MFSD11: variants seen among roughly 807,000 people sequenced by gnomAD.
The protein encoded by MFSD11 is UNC93-like protein MFSD11.
A neutral mutation model predicts 53.5 loss-of-function variants in MFSD11; 36 were observed. That is an observed-to-expected ratio of 0.67 (90% confidence interval 0.52 to 0.89). The LOEUF (loss-of-function observed/expected upper bound fraction) is 0.89. MFSD11 is among the 40% of genes least tolerant of loss of function. The pLI is 0.00. For synonymous variants in MFSD11, 186 were observed against 184.9 expected, an observed-to-expected ratio of 1.01 and a Z score of -0.05; for missense variants, 530 against 543.9, an observed-to-expected ratio of 0.97 and a Z score of 0.25.
chr17:76,781,980 C>T (rs893045108), downstream of MFSD11, among the ~76,000 whole-genome samples: 58 of 146,006 alleles, frequency 4.0e-4, no homozygotes, highest in Non-Finnish European at 6.9e-4. Context: ...TACCACCATG[C>T]CTGGATAATT....
chr17:76,741,723 G>C (rs2078100589), intron 3 of MFSD11, among the ~76,000 whole-genome samples: 1 of 152,200 alleles, frequency 6.6e-6, no homozygotes, highest in African/African-American at 2.4e-5. Flanking sequence ...AGGAGGTGGA[G>C]GTTGCAGTGA....
chr17:76,793,146 A>T, the MFSD11 span, among the ~76,000 whole-genome samples: 2 of 151,394 alleles, frequency 1.3e-5, no homozygotes, highest in African/African-American at 4.9e-5. Context: ...TTATCAGGAG[A>T]CAGGGTTTGA....
At chr17:76,744,694 G>A (rs1381102877) in intron 7 of MFSD11, among the ~76,000 whole-genome samples, 1 of 152,174 alleles carries the variant, frequency 6.6e-6, no homozygotes. Context: ...GTCTGTTCCT[G>A]GCCTTGCCAC....
chr17:76,761,535 A>G (rs1249725455), intron 8 of MFSD11, among the ~76,000 whole-genome samples: 1 of 152,256 alleles, frequency 6.6e-6, no homozygotes, highest in East Asian at 1.9e-4. Flanking sequence ...AATGGAGAAT[A>G]TATAGTAGAA....
intron 8 of MFSD11, 67 bp downstream of exon 8, chr17:76,754,154 A>G: frequency 7.4e-7 from 1 of 1,349,956 alleles, no homozygotes; most frequent in Non-Finnish European, 1.1e-6. Context: ...CCTTTCCCCT[A>G]TTCCCTGGTA....
At chr17:76,786,530 C>G in the MFSD11 span, among the ~76,000 whole-genome samples, 9 of 152,310 alleles carry the variant, frequency 5.9e-5, no homozygotes, top group South Asian at 1.4e-3. Context: ...GAATGCGCAG[C>G]TGGGTCTTAA....
intron 7 of MFSD11, among the ~76,000 whole-genome samples, chr17:76,746,876 A>G (rs1166147543): frequency 6.6e-6 from 1 of 152,008 alleles, no homozygotes; most frequent in Non-Finnish European, 1.5e-5. Flanking sequence ...TTCTAACAAC[A>G]TGTGTTCTGC....
chr17:76,754,503 C>T (rs1020903435), intron 8 of MFSD11, among the ~76,000 whole-genome samples: 4 of 151,820 alleles, frequency 2.6e-5, no homozygotes, highest in Middle Eastern at 3.2e-3. Context: ...GCCAACATGG[C>T]GAAACCTCTT....
the MFSD11 span, among the ~76,000 whole-genome samples, chr17:76,788,224 T>G: frequency 1.3e-5 from 2 of 149,438 alleles, no homozygotes; most frequent in Middle Eastern, 3.4e-3. Flanking sequence ...GTATTTTTAG[T>G]AGAGACAGGG....
intron 8 of MFSD11, 158 bp from the exon 9 acceptor site, chr17:76,767,228 G>A: frequency 1.8e-6 from 1 of 549,782 alleles, no homozygotes; most frequent in Non-Finnish European, 3.2e-6. Context: ...TAGGGCAAAT[G>A]TAGTTCATGC....
At chr17:76,753,265 C>CCT (rs57637222) in intron 7 of MFSD11, among the ~76,000 whole-genome samples, 12,424 of 152,134 alleles carry the variant, frequency 0.082, 1,609 homozygotes, top group African/African-American at 0.27. Context: ...AAAGTAACCA[C>CCT]CTCAGGATGC....
chr17:76,775,298 T>A, intron 11 of MFSD11, 127 bp downstream of exon 11: 1 of 757,326 alleles, frequency 1.3e-6, no homozygotes, highest in Non-Finnish European at 2.0e-6. Context: ...ATCTGTCAAG[T>A]GTTCATGGAG....
intron 11 of MFSD11, among the ~76,000 whole-genome samples, chr17:76,775,408 G>A (rs1247228138): frequency 2.0e-5 from 3 of 152,116 alleles, no homozygotes; most frequent in Non-Finnish European, 4.4e-5. Flanking sequence ...CTTGATCCTT[G>A]AAGGAGCACG....
downstream of MFSD11, among the ~76,000 whole-genome samples, chr17:76,783,152 CAAAA>C (rs753696509): frequency 9.1e-6 from 1 of 109,506 alleles, no homozygotes. Context: ...ACTCCAGCTC[CAAAA>C]AAAAAAAAAA....
chr17:76,775,867 G>T (rs773916702), intron 11 of MFSD11, among the ~76,000 whole-genome samples: 1 of 152,188 alleles, frequency 6.6e-6, no homozygotes, highest in Non-Finnish European at 1.5e-5. Flanking sequence ...TACTCAACCT[G>T]CATTTTCTTC....
intron 7 of MFSD11, among the ~76,000 whole-genome samples, chr17:76,753,450 A>G (rs2079248367): frequency 6.6e-6 from 1 of 152,168 alleles, no homozygotes; most frequent in South Asian, 2.1e-4. Context: ...AGGCAGGTGG[A>G]TCACTTGAGC....
chr17:76,769,777 TG>T lies in MFSD11; in HGVS notation c.782del (p.Gly261GlufsTer31). 1 of 1,610,776 alleles carries T rather than the reference TG, an allele frequency of 6.2e-7. No homozygotes were observed. Among genetic ancestry groups the T allele is most frequent in the Non-Finnish European group, 8.5e-7 (1 of 1,178,370 alleles). On this transcript the variant is annotated frameshift_variant, in exon 10 of 13. Transcript: ENST00000685175. LOFTEE classifies it high-confidence loss of function. Reference sequence around the variant, plus strand: ...AATTAACTTTCTTCTCTGGTGTATATGGAACCTGTATTGGTGCTACAAATAA... The same window carrying T: ...AATTAACTTTCTTCTCTGGTGTATATGAACCTGTATTGGTGCTACAAATAA... ...LELTFFSGVY[G>X]TCIGATNKFG...
chr17:76,742,217 G>A lies in MFSD11; in HGVS notation c.381G>A (p.Ser127=), dbSNP rs117140732. 12,854 of 1,614,118 alleles carry A rather than the reference G, an allele frequency of 8.0e-3. 57 individuals are homozygous for A. The highest frequency in any genetic ancestry group is 0.012 in the Middle Eastern group (72 of 6,062). The change falls in exon 5 of 13, where the codon TCG becomes TCA. Residue 127 remains serine, a synonymous_variant. Transcript: ENST00000685175. ...TAQGNCLTIN[S]DEHSIGRNSG... ...AAGGAAACTGCCTGACAATCAATTC[G>A]GATGAGCACAGCATTGGGAGAAACA...
chr17:76,791,620 G>A, the MFSD11 span, among the ~76,000 whole-genome samples: 1 of 148,528 alleles, frequency 6.7e-6, no homozygotes, highest in Non-Finnish European at 1.5e-5. Flanking sequence ...GAGCCGCACG[G>A]GGTGTCTGGG....
Sources: allele counts gnomAD v4.1 joint callset (sites outside exome capture counted in the v4.1 genomes callset), GRCh38; gene constraint gnomAD v4.1.1; transcripts MANE v1.5; gene names NCBI Gene and HGNC (gene_info 2026-07-23, HGNC 2026-07-21).